Variants in NOP9 observed in about 807,000 individuals in gnomAD.
NOP9 encodes the protein nucleolar protein 9.
In NOP9, 50 loss-of-function variants were observed where a neutral mutation model predicts 63.0. The observed-to-expected ratio is 0.79, with a 90% CI of 0.63 to 1.00. The LOEUF (loss-of-function observed/expected upper bound fraction) is 1.00, where lower values mean the gene tolerates loss of function less well. NOP9 is among the 50% of genes least tolerant of loss of function. NOP9 has a pLI of 0.00. For synonymous variants in NOP9, 343 were observed against 332.8 expected (o/e 1.03, Z -0.33); for missense variants, 758 against 803.0 (o/e 0.94, Z 0.68).
intron 9 of NOP9, 118 bp from the exon 10 acceptor site, chr14:24,304,820 A>G: frequency 8.3e-7 from 1 of 1,200,708 alleles, no homozygotes; most frequent in Non-Finnish European, 1.2e-6. Flanking sequence ...TGGAAAGTGA[A>G]GTGTTCACTT....
rs756268123 is a variant in NOP9 at position 24,300,761 on chromosome 14, A to C, written c.601A>C (p.Thr201Pro). Residue 201 changes from threonine to proline, a missense_variant, in exon 2 of 10, where the codon ACA becomes CCA. Thr to Pro is a conservative substitution (Grantham distance 38). Coordinates refer to ENST00000267425, the MANE Select transcript of NOP9 (RefSeq NM_174913.3). ...CDDFLVYCGD[T>P]HGSFVVRTLL... ...TGATTTTCTTGTCTACTGTGGAGAC[A>C]CACATGGCAGCTTCGTGGTCAGAAC... 8.1e-6 allele frequency: 13 copies of C among 1,614,192 alleles called. No homozygotes were observed. The East Asian group carries it at 2.7e-4, about 33-fold the overall frequency.
rs756881098 is a variant in NOP9, at chr14:24,305,951, G to A, written c.*856G>A. ...TATGACATGTTGATTTCTGACCTGA[G>A]TACTTTCTTTGGGCCAAGTCCTTGA... is the stretch of plus-strand genomic sequence containing the variant. On this transcript the variant is annotated 3_prime_UTR_variant, in exon 10 of 10. Coordinates refer to ENST00000267425, the MANE Select transcript of NOP9 (RefSeq NM_174913.3). The A allele has an allele frequency of 2.5e-6, 4 of 1,613,316 alleles. No individual in the cohort carries two copies. Among genetic ancestry groups the A allele is most frequent in the Admixed American group, 3.3e-5 (2 of 59,976 alleles).
chr14:24,292,344 G>A, the NOP9 span: 1 of 1,613,620 alleles, frequency 6.2e-7, no homozygotes, highest in Non-Finnish European at 8.5e-7. Flanking sequence ...TGGAGAGGCG[G>A]AAGGCAGGGT....
the NOP9 span, among the ~76,000 whole-genome samples, chr14:24,282,741 G>A: frequency 6.6e-6 from 1 of 152,104 alleles, no homozygotes; most frequent in Admixed American, 6.5e-5. Context: ...TTCCTCATGG[G>A]CTCCTCCATT....
rs2041387758 is a variant in NOP9, at chr14:24,302,057, A to G, written c.901A>G (p.Asn301Asp). Reference protein sequence around the residue: ...KLPQFCAHLCNAVIGYLSTRG... With the variant: ...KLPQFCAHLCDAVIGYLSTRG... ...TCCCCAGTTTTGCGCTCATCTCTGC[A>G]ATGCTGTGATTGGCTACCTGAGTAC... The change falls in exon 4 of 10, where the codon AAT (asparagine) becomes GAT (aspartate). Residue 301 changes from asparagine to aspartate, a missense_variant. Physicochemically the swap from Asn to Asp is conservative, Grantham distance 23. Transcript: ENST00000267425. The G allele has an allele frequency of 1.2e-6, 2 of 1,614,120 alleles. No homozygotes were observed. Among genetic ancestry groups the G allele is most frequent in the Non-Finnish European group, 8.5e-7 (1 of 1,179,992 alleles).
At chr14:24,288,474 C>T in the NOP9 span, among the ~76,000 whole-genome samples, 3 of 152,018 alleles carry the variant, frequency 2.0e-5, no homozygotes, top group African/African-American at 4.8e-5. Flanking sequence ...CTCAGCCTCC[C>T]GAGTAGCTGG....
the NOP9 span, among the ~76,000 whole-genome samples, chr14:24,282,467 A>G: frequency 5.3e-5 from 8 of 152,178 alleles, no homozygotes; most frequent in Non-Finnish European, 8.8e-5. Flanking sequence ...AGCCCCTACA[A>G]TAACACAGGT....
At chr14:24,286,576 T>A in the NOP9 span, among the ~76,000 whole-genome samples, 4 of 152,110 alleles carry the variant, frequency 2.6e-5, no homozygotes, top group South Asian at 2.1e-4. Flanking sequence ...TTTATTATTT[T>A]TTATTTTTAT....
At position 24,303,147 on chromosome 14, in the gene NOP9, T is replaced by A; in HGVS notation, c.1217T>A (p.Ile406Asn). ...VLAQGHPGVV[I>N]ALVGACRRVG... Reference sequence around the variant, plus strand: ...GCCCAGGGCCACCCAGGGGTAGTCATTGCCCTGGTGGGGGCCTGTCGCAGA... The same window carrying A: ...GCCCAGGGCCACCCAGGGGTAGTCAATGCCCTGGTGGGGGCCTGTCGCAGA... Residue 406 changes from isoleucine to asparagine, a missense_variant, in exon 6 of 10, where the codon ATT (isoleucine) becomes AAT (asparagine). Coordinates refer to ENST00000267425, the MANE Select transcript of NOP9 (RefSeq NM_174913.3). 1 of 1,613,676 alleles carries A rather than the reference T, an allele frequency of 6.2e-7. No homozygotes were observed. The highest frequency in any genetic ancestry group is 8.5e-7 in the Non-Finnish European group (1 of 1,179,818).
Position 24,307,153 on chromosome 14 carries a change from C to G in NOP9, c.*2058C>G, listed in dbSNP as rs1030367496. The G allele has an allele frequency of 6.5e-6, 3 of 463,136 alleles. No individual in the cohort carries two copies. The highest frequency in any genetic ancestry group is 1.2e-5 in the Non-Finnish European group (3 of 260,398). 28.7% of individuals were successfully genotyped at this position (463,136 alleles called of 1,614,324 possible). A position where few individuals can be genotyped will look rare whatever the true frequency, so the allele number is the denominator to read the frequency against. On this transcript the variant is annotated 3_prime_UTR_variant, in exon 10 of 10. Transcript: ENST00000267425. ...TTCTGAATTCTGTCCCTCGAACTCTCCCTATCTCCTGCTAACCCCTGCTCC... is the reference window on the plus strand; with the variant it reads ...TTCTGAATTCTGTCCCTCGAACTCTGCCTATCTCCTGCTAACCCCTGCTCC...
At chr14:24,303,242 T>G (rs1212464059) in intron 6 of NOP9, 28 bp downstream of exon 6, 2 of 1,613,726 alleles carry the variant, frequency 1.2e-6, no homozygotes, top group South Asian at 1.1e-5. Flanking sequence ...ACAATCTGTT[T>G]ATGCCCTCAG....
Position 24,303,129 on chromosome 14 carries a change from G to A in NOP9, c.1199G>A (p.Gly400Asp). The change falls in exon 6 of 10, where the codon GGC becomes GAC. Residue 400 changes from glycine to aspartate, a missense_variant. Transcript: ENST00000267425. ...GTCTTGGAAGCTGTATTGGCCCAGG[G>A]CCACCCAGGGGTAGTCATTGCCCTG... Reference protein sequence around the residue: ...SPVLEAVLAQGHPGVVIALVG... With the variant: ...SPVLEAVLAQDHPGVVIALVG... The A allele has an allele frequency of 6.2e-7, 1 of 1,611,060 alleles. No homozygotes were observed.
Position 24,304,069 on chromosome 14 carries a change from G to A in NOP9, c.1439G>A (p.Gly480Glu). Reference sequence around the variant, plus strand: ...GCAATGGCCGCAGCCAGAGCCTTGGGGGATGTGACAGTCCTTGGGTCTCTA... The same window carrying A: ...GCAATGGCCGCAGCCAGAGCCTTGGAGGATGTGACAGTCCTTGGGTCTCTA... ...QVAMAAARAL[G>E]DVTVLGSLLL... is the part of the protein sequence containing the mutation. The change falls in exon 8 of 10, where the codon GGG becomes GAG. Residue 480 changes from glycine to glutamate, a missense_variant. Gly to Glu is a moderately conservative substitution (Grantham distance 98). Coordinates refer to ENST00000267425, the MANE Select transcript of NOP9 (RefSeq NM_174913.3). 6.2e-7 allele frequency: 1 copy of A among 1,614,224 alleles called. No individual in the cohort carries two copies. The highest frequency in any genetic ancestry group is 8.5e-7 in the Non-Finnish European group (1 of 1,180,028).
the NOP9 span, among the ~76,000 whole-genome samples, chr14:24,272,791 T>C: frequency 6.6e-6 from 1 of 152,212 alleles, no homozygotes; most frequent in African/African-American, 2.4e-5. Context: ...TGCAGTTTCC[T>C]AAATATGTTA....
At chr14:24,301,241 A>T (rs1045554115) in intron 2 of NOP9, among the ~76,000 whole-genome samples, 1 of 152,040 alleles carries the variant, frequency 6.6e-6, no homozygotes, top group Non-Finnish European at 1.5e-5. Context: ...ATTCTGCTCT[A>T]TTTCATTTAA....
Position 24,306,270 on chromosome 14 carries a change from C to T in NOP9, c.*1175C>T. 1.3e-6 allele frequency: 2 copies of T among 1,547,226 alleles called. No homozygotes were observed. The highest frequency in any genetic ancestry group is 1.2e-5 in the South Asian group (1 of 85,726). On this transcript the variant is annotated 3_prime_UTR_variant, in exon 10 of 10. Coordinates refer to ENST00000267425, the MANE Select transcript of NOP9 (RefSeq NM_174913.3). ...TGTGACATCCTTGACAATTCCACAA[C>T]TCCTCCTGCACCTGGTCCCCAGGAT...
intron 1 of NOP9, 58 bp from the exon 2 acceptor site, chr14:24,300,350 G>T: frequency 2.5e-6 from 4 of 1,568,874 alleles, no homozygotes; most frequent in African/African-American, 1.3e-5. Context: ...TTAAGCGAGG[G>T]TACATAACTG....
At chr14:24,290,547 T>C in the NOP9 span, 1 of 302,622 alleles carries the variant, frequency 3.3e-6, no homozygotes, top group South Asian at 3.6e-5. Flanking sequence ...TGAGTCTTTC[T>C]CCCAAATTGT....
rs758539152 is a variant in NOP9 at position 24,306,439 on chromosome 14, G to C, written c.*1344G>C. Reference sequence around the variant, plus strand: ...AGGCACGTGTCATCCTCCAGCAGCTGGAAGAAGTCCTCACTGTCCACTGCA... The same window carrying C: ...AGGCACGTGTCATCCTCCAGCAGCTCGAAGAAGTCCTCACTGTCCACTGCA... On this transcript the variant is annotated 3_prime_UTR_variant, in exon 10 of 10. Transcript: ENST00000267425. The C allele has an allele frequency of 6.2e-7, 1 of 1,614,230 alleles. No individual in the cohort carries two copies. Among genetic ancestry groups the C allele is most frequent in the Non-Finnish European group, 8.5e-7 (1 of 1,180,044 alleles).
Sources: gnomAD v4.1 joint callset for allele counts (sites outside exome capture counted in the v4.1 genomes callset) on GRCh38, gnomAD v4.1.1 for gene constraint, MANE v1.5 for transcripts, NCBI Gene and HGNC (gene_info 2026-07-23, HGNC 2026-07-21) for gene names.